KCNJ3: variants seen among roughly 807,000 people sequenced by gnomAD.
KCNJ3 encodes G protein-activated inward rectifier potassium channel 1.
A neutral mutation model predicts 39.2 loss-of-function variants in KCNJ3; 4 were observed. That is an observed-to-expected ratio of 0.10 (90% CI 0.05 to 0.23). The LOEUF is 0.23. Ranked by LOEUF, KCNJ3 falls within the 10% of genes least tolerant of loss-of-function variation. KCNJ3 has a pLI of 1.00. For missense variants in KCNJ3, 276 were observed against 634.9 expected, an observed-to-expected ratio of 0.43 and a Z score of 6.08; for synonymous variants, 230 against 237.4, an observed-to-expected ratio of 0.97 and a Z score of 0.29.
intron 2 of KCNJ3, among the ~76,000 whole-genome samples, chr2:154,840,556 T>A (rs1687557885): frequency 6.6e-6 from 1 of 152,230 alleles, no homozygotes; most frequent in Non-Finnish European, 1.5e-5. Context: ...TATTGATTCT[T>A]CCAATCCATG....
intron 2 of KCNJ3, among the ~76,000 whole-genome samples, chr2:154,730,496 A>AT (rs1685431761): frequency 6.6e-6 from 1 of 152,148 alleles, no homozygotes; most frequent in East Asian, 1.9e-4. Context: ...GATATTTAGT[A>AT]TTTTTCCCAT....
At chr2:154,851,943 T>TA (rs942461926) in intron 2 of KCNJ3, among the ~76,000 whole-genome samples, 8 of 151,768 alleles carry the variant, frequency 5.3e-5, no homozygotes, top group South Asian at 4.1e-4. Flanking sequence ...AATGTGAAAA[T>TA]AAAAAAAAGC....
chr2:154,748,879 T>G (rs1345873316), intron 2 of KCNJ3, among the ~76,000 whole-genome samples: 1 of 152,130 alleles, frequency 6.6e-6, no homozygotes, highest in Non-Finnish European at 1.5e-5. Flanking sequence ...TATTAACAGT[T>G]ATCTGTCAGT....
At chr2:154,751,862 C>T (rs957977039) in intron 2 of KCNJ3, among the ~76,000 whole-genome samples, 2 of 151,996 alleles carry the variant, frequency 1.3e-5, no homozygotes, top group African/African-American at 2.4e-5. Flanking sequence ...TTGTGTGCAA[C>T]CTAATCTTCT....
intron 2 of KCNJ3, among the ~76,000 whole-genome samples, chr2:154,831,446 AAGG>A (rs982617720): frequency 2.7e-4 from 41 of 152,280 alleles, no homozygotes; most frequent in African/African-American, 9.6e-4. Context: ...GAAAGAGAAG[AAGG>A]GCGATTATGA....
intron 2 of KCNJ3, among the ~76,000 whole-genome samples, chr2:154,823,225 A>G (rs548776161): frequency 2.0e-5 from 3 of 152,244 alleles, no homozygotes; most frequent in Non-Finnish European, 2.9e-5. Flanking sequence ...TTACTGCACA[A>G]TGAATGGAAT....
At chr2:154,740,269 C>A (rs887201431) in intron 2 of KCNJ3, among the ~76,000 whole-genome samples, 4 of 151,866 alleles carry the variant, frequency 2.6e-5, no homozygotes, top group African/African-American at 9.7e-5. Context: ...CTTGATTGAT[C>A]TTATGTTCCC....
chr2:154,726,158 T>C (rs1314749308), intron 2 of KCNJ3, among the ~76,000 whole-genome samples: 1 of 152,022 alleles, frequency 6.6e-6, no homozygotes, highest in Non-Finnish European at 1.5e-5. Context: ...AAAGAAATAA[T>C]CAGCGGAGTA....
chr2:154,846,613 C>T (rs188492392), intron 2 of KCNJ3, among the ~76,000 whole-genome samples: 249 of 152,196 alleles, frequency 1.6e-3, no homozygotes, highest in Middle Eastern at 3.4e-3. Context: ...ATTCAAAGCC[C>T]ATGTTCTTTT....
intron 2 of KCNJ3, among the ~76,000 whole-genome samples, chr2:154,846,117 T>C (rs1392126665): frequency 2.0e-5 from 3 of 152,160 alleles, no homozygotes; most frequent in Non-Finnish European, 4.4e-5. Flanking sequence ...CAAAGTTAAG[T>C]CAAATTTGTT....
At chr2:154,802,091 G>C (rs950971247) in intron 2 of KCNJ3, among the ~76,000 whole-genome samples, 1 of 152,068 alleles carries the variant, frequency 6.6e-6, no homozygotes, top group Non-Finnish European at 1.5e-5. Flanking sequence ...AACTGTAATT[G>C]TGAGTCAGGA....
chr2:154,806,943 A>G (rs1161879107), intron 2 of KCNJ3, among the ~76,000 whole-genome samples: 2 of 152,206 alleles, frequency 1.3e-5, no homozygotes, highest in Non-Finnish European at 2.9e-5. Flanking sequence ...GGTCTCAAAG[A>G]CGGATGCATA....
In KCNJ3 at chr2:154,734,666, C is replaced by A. The variant is rs142940711; in HGVS notation, c.919+24847C>A. 4.6e-5 allele frequency among the ~76,000 whole-genome samples: 7 copies of A among 152,136 alleles called. No individual in the cohort carries two copies. In the East Asian group the frequency reaches 1.4e-3, roughly 29 times the overall value. On this transcript the variant is annotated intron_variant, in intron 2 of 2. Coordinates refer to ENST00000295101, the MANE Select transcript of KCNJ3 (RefSeq NM_002239.4). ...TTAATTCTCATGCCTACTGTTCTGT[C>A]CAGTTTTGTAAGAAAGAGAAGGAAA...
chr2:154,797,966 T>C (rs78350238), intron 2 of KCNJ3, among the ~76,000 whole-genome samples: 8,733 of 152,134 alleles, frequency 0.057, 313 homozygotes, highest in African/African-American at 0.097. Context: ...ATAATTGAAA[T>C]TTTATACTTA....
chr2:154,837,788 C>T (rs1216406653), intron 2 of KCNJ3, among the ~76,000 whole-genome samples: 1 of 152,126 alleles, frequency 6.6e-6, no homozygotes, highest in African/African-American at 2.4e-5. Context: ...CTGGTGATGC[C>T]TTTGCATGTG....
At chr2:154,781,220 T>A (rs1280549399) in intron 2 of KCNJ3, among the ~76,000 whole-genome samples, 5 of 152,174 alleles carry the variant, frequency 3.3e-5, no homozygotes, top group Non-Finnish European at 7.3e-5. Flanking sequence ...TTTAGCCCAG[T>A]GAGACATGTT....
At chr2:154,722,350 T>C (rs1282471861) in intron 2 of KCNJ3, among the ~76,000 whole-genome samples, 1 of 152,084 alleles carries the variant, frequency 6.6e-6, no homozygotes, top group Non-Finnish European at 1.5e-5. Context: ...AATTGGGAAA[T>C]GTGCCATGCT....
At position 154,855,625 on chromosome 2, in the gene KCNJ3, T is replaced by A. The variant is rs201284261; in HGVS notation, c.*312T>A. 2,111 of 123,084 alleles carry A rather than the reference T, an allele frequency of 0.017. 53 individuals carry two copies. The highest frequency in any genetic ancestry group is 0.047 in the African/African-American group (1,759 of 37,140). The allele number at this position is 123,084 out of a possible 1,614,324, so 7.6% of individuals were successfully genotyped here. ...TATATTGTATATTCTGGAAAAAAAA[T>A]ATATATATATATTTAAAGGGGAGAT... is the stretch of plus-strand genomic sequence containing the variant. On this transcript the variant is annotated 3_prime_UTR_variant, in exon 3 of 3. Transcript: ENST00000295101.
At chr2:154,724,917 G>GTATATATATATATATATA (rs59124944) in intron 2 of KCNJ3, among the ~76,000 whole-genome samples, 17,870 of 115,028 alleles carry the variant, frequency 0.16, 2,198 homozygotes, top group Non-Finnish European at 0.17. Flanking sequence ...TACATATGAG[G>GTATATATATATATATATA]TATATATATA....
Sources: allele counts gnomAD v4.1 joint callset (sites outside exome capture counted in the v4.1 genomes callset), GRCh38; gene constraint gnomAD v4.1.1; transcripts MANE v1.5; gene names NCBI Gene and HGNC (gene_info 2026-07-23, HGNC 2026-07-21).